Variants in FAM13A observed in about 807,000 individuals in gnomAD.
FAM13A encodes family with sequence similarity 13 member A.
Under a neutral mutation model 129.6 loss-of-function variants are expected in FAM13A, and 76 were observed. The ratio of observed to expected loss-of-function variants is 0.59; its 90% CI spans 0.49 to 0.71. The LOEUF is 0.71. FAM13A is among the 30% of genes least tolerant of loss of function. The pLI, the probability that FAM13A is intolerant of heterozygous loss-of-function variation, is 0.00. For missense variants in FAM13A, 1,108 were observed against 1,249.3 expected (o/e 0.89, Z 1.70); for synonymous variants, 443 against 449.9 (o/e 0.98, Z 0.20).
chr4:88,754,363 A>G (rs186603945), intron 14 of FAM13A, among the ~76,000 whole-genome samples: 2 of 152,222 alleles, frequency 1.3e-5, no homozygotes, highest in African/African-American at 2.4e-5. Flanking sequence ...GAGGGAACAT[A>G]TCTCTGAGTA....
intron 4 of FAM13A, among the ~76,000 whole-genome samples, chr4:88,953,654 C>T (rs1187752702): frequency 6.6e-6 from 1 of 152,170 alleles, no homozygotes; most frequent in Non-Finnish European, 1.5e-5. Context: ...CCTCCCAGCT[C>T]CTCATAACCA....
chr4:88,893,271 G>A (rs911546541), intron 6 of FAM13A, among the ~76,000 whole-genome samples: 3 of 152,168 alleles, frequency 2.0e-5, no homozygotes, highest in African/African-American at 7.2e-5. Context: ...GTTGACAGGG[G>A]GCTCTGCTCC....
At chr4:88,915,447 A>C (rs1325879275) in intron 5 of FAM13A, among the ~76,000 whole-genome samples, 1 of 152,212 alleles carries the variant, frequency 6.6e-6, no homozygotes, top group Non-Finnish European at 1.5e-5. Flanking sequence ...GTGAAATTCT[A>C]CATAGAATTT....
intron 7 of FAM13A, among the ~76,000 whole-genome samples, chr4:88,813,637 T>C (rs1730096020): frequency 6.6e-6 from 1 of 152,192 alleles, no homozygotes; most frequent in Non-Finnish European, 1.5e-5. Context: ...AACTGTTAAC[T>C]CTGAATGTGG....
chr4:89,017,102 G>C (rs987476099), intron 3 of FAM13A, among the ~76,000 whole-genome samples: 2 of 152,210 alleles, frequency 1.3e-5, no homozygotes, highest in African/African-American at 4.8e-5. Context: ...ATCTAGGCTT[G>C]TGTAAGTATA....
chr4:88,951,428 C>A (rs1427160417), intron 4 of FAM13A, among the ~76,000 whole-genome samples: 1 of 152,104 alleles, frequency 6.6e-6, no homozygotes, highest in Non-Finnish European at 1.5e-5. Flanking sequence ...TTTAAATATA[C>A]TCAGGATCTT....
intron 4 of FAM13A, among the ~76,000 whole-genome samples, chr4:88,983,147 G>C (rs575248496): frequency 1.1e-4 from 16 of 152,164 alleles, no homozygotes; most frequent in Non-Finnish European, 1.9e-4. Context: ...AGGAAAGAAT[G>C]GTTCCAAAAA....
chr4:88,776,742 A>AG (rs1367328394), intron 11 of FAM13A, among the ~76,000 whole-genome samples: 39 of 152,064 alleles, frequency 2.6e-4, no homozygotes, highest in African/African-American at 8.9e-4. Context: ...TGAGAAGCCG[A>AG]GGGGGGCAGA....
At chr4:88,984,637 T>A (rs1034642843) in intron 4 of FAM13A, among the ~76,000 whole-genome samples, 2 of 152,192 alleles carry the variant, frequency 1.3e-5, no homozygotes, top group African/African-American at 4.8e-5. Context: ...AACAAGGATG[T>A]AGAGAAACTG....
At chr4:88,762,371 C>T (rs1744981735) in intron 13 of FAM13A, among the ~76,000 whole-genome samples, 1 of 152,186 alleles carries the variant, frequency 6.6e-6, no homozygotes, top group Admixed American at 6.5e-5. Context: ...CCCTCCTACA[C>T]AAACCTACAC....
intron 21 of FAM13A, among the ~76,000 whole-genome samples, chr4:88,736,189 G>C (rs1462053444): frequency 6.6e-6 from 1 of 151,994 alleles, no homozygotes; most frequent in East Asian, 1.9e-4. Context: ...TAGTATACTG[G>C]CCCAAATTTC....
At chr4:89,013,193 CAAGA>C (rs140890663) in intron 3 of FAM13A, among the ~76,000 whole-genome samples, 10,465 of 151,628 alleles carry the variant, frequency 0.069, 1,185 homozygotes, top group African/African-American at 0.24. Context: ...GATAAACCAA[CAAGA>C]AACACAGTAA....
chr4:88,936,579 A>C (rs891102676), intron 5 of FAM13A: 3 of 152,936 alleles, frequency 2.0e-5, no homozygotes, highest in African/African-American at 7.2e-5. Context: ...CAGCTCCAAC[A>C]CCAGGGACTG....
At chr4:88,944,413 A>G (rs1019547612) in intron 4 of FAM13A, among the ~76,000 whole-genome samples, 5 of 152,230 alleles carry the variant, frequency 3.3e-5, no homozygotes, top group African/African-American at 1.2e-4. Flanking sequence ...CATTGGTTCT[A>G]TTACCAAGGG....
chr4:88,941,394 C>T (rs945129871), intron 4 of FAM13A, among the ~76,000 whole-genome samples: 2 of 152,118 alleles, frequency 1.3e-5, no homozygotes, highest in East Asian at 1.9e-4. Flanking sequence ...TTAAAATGAC[C>T]GATCCACTTT....
chr4:88,737,276 A>G (rs2149415500), intron 21 of FAM13A, among the ~76,000 whole-genome samples, 196 bp downstream of exon 21: 1 of 152,342 alleles, frequency 6.6e-6, no homozygotes, highest in South Asian at 2.1e-4. Context: ...AATCAACTAA[A>G]TGGAACTGGA....
chr4:89,035,987 A>G (rs1305948684), intron 1 of FAM13A, among the ~76,000 whole-genome samples: 5 of 152,222 alleles, frequency 3.3e-5, no homozygotes, highest in South Asian at 2.1e-4. Context: ...CCACATTTAC[A>G]GCAATGTGAG....
At chr4:88,870,510 C>T (rs185942579) in intron 6 of FAM13A, among the ~76,000 whole-genome samples, 125 of 152,324 alleles carry the variant, frequency 8.2e-4, no homozygotes, top group Middle Eastern at 6.8e-3. Flanking sequence ...GGGGGTCCCG[C>T]GCCCACAGAG....
chr4:89,029,828 A>G, intron 1 of FAM13A, 179 bp from the exon 2 acceptor site: 1 of 633,456 alleles, frequency 1.6e-6, no homozygotes, highest in Non-Finnish European at 2.7e-6. Flanking sequence ...TATAATGGTT[A>G]AAAGGACTGA....
Sources: gnomAD v4.1 joint callset for allele counts (sites outside exome capture counted in the v4.1 genomes callset) on GRCh38, gnomAD v4.1.1 for gene constraint, MANE v1.5 for transcripts, NCBI Gene and HGNC (gene_info 2026-07-23, HGNC 2026-07-21) for gene names.